The following BEGAIN variants were observed in gnomAD, a reference collection of about 807,000 sequenced individuals.
The protein encoded by BEGAIN is brain enriched guanylate kinase associated.
In BEGAIN, 19 loss-of-function variants were observed where a neutral mutation model predicts 35.8. The observed-to-expected ratio is 0.53, with a 90% CI of 0.37 to 0.78. The LOEUF (loss-of-function observed/expected upper bound fraction) is 0.78. BEGAIN is among the 30% of genes least tolerant of loss of function. The pLI is 0.00. For missense variants in BEGAIN, 795 were observed against 853.6 expected (o/e 0.93, Z 0.85); for synonymous variants, 462 against 388.6 (o/e 1.19, Z -2.22).
Position 100,584,885 on chromosome 14 carries a change from C to A in BEGAIN, c.42+2364G>T, listed in dbSNP as rs140430443. Among the ~76,000 whole-genome samples the A allele has an allele frequency of 9.5e-3, 1,438 of 152,166 alleles. 14 individuals are homozygous for A. The highest frequency in any genetic ancestry group is 0.033 in the South Asian group (158 of 4,822). Reference sequence around the variant, plus strand: ...CATGCGGGGTGATTCTAGACCAACACGGCGAGTCCTAGGGTCACCCACCCA... The same window carrying A: ...CATGCGGGGTGATTCTAGACCAACAAGGCGAGTCCTAGGGTCACCCACCCA... On this transcript the variant is annotated intron_variant, in intron 1 of 6. Transcript: ENST00000554140.
In BEGAIN at chr14:100,586,562, C is replaced by T. The variant is rs1345098038; in HGVS notation, c.42+687G>A. 6.6e-6 allele frequency among the ~76,000 whole-genome samples: 1 copy of T among 152,146 alleles called. No homozygotes were observed. Among genetic ancestry groups the T allele is most frequent in the Non-Finnish European group, 1.5e-5 (1 of 68,022 alleles). ...CTAAACCAAGCAGGAAGCGGAAACG[C>T]TGGGGCAGAAATTCCCATCCAACGT... On this transcript the variant is annotated intron_variant, in intron 1 of 6. Coordinates refer to ENST00000554140, the MANE Select transcript of BEGAIN (RefSeq NM_001385089.1). This position sits in a 1 kb window ranked among gnomAD's most constrained non-coding sequence, Gnocchi z 4.9.
intron 1 of BEGAIN, among the ~76,000 whole-genome samples, chr14:100,575,868 G>T (rs2035190612): frequency 6.6e-6 from 1 of 152,046 alleles, no homozygotes; most frequent in Non-Finnish European, 1.5e-5. Flanking sequence ...TGTGCAAGAA[G>T]CCCTGGGATG....
chr14:100,579,747 A>G (rs74972406), intron 1 of BEGAIN, among the ~76,000 whole-genome samples: 2,539 of 152,274 alleles, frequency 0.017, 71 homozygotes, highest in African/African-American at 0.058. Flanking sequence ...TGGCCTCACC[A>G]TGGCCTCAGC....
chr14:100,568,392 G>A lies in BEGAIN; in HGVS notation c.43-453C>T, dbSNP rs896264988. The A allele has an allele frequency of 4.9e-6, 6 of 1,234,270 alleles. No individual in the cohort carries two copies. In the East Asian group the frequency reaches 1.9e-4, roughly 39 times the overall value. 76.5% of individuals were successfully genotyped at this position (1,234,270 alleles called of 1,614,324 possible). A position where few individuals can be genotyped will look rare whatever the true frequency, so the allele number is the denominator to read the frequency against. ...CCCGGAATCGCAGAACCTCCGAGTC[G>A]GAGAATGTTGGGGAATTCGGGGCCG... On this transcript the variant is annotated intron_variant, in intron 1 of 6. Transcript: ENST00000554140. This position sits in a 1 kb window ranked among gnomAD's most constrained non-coding sequence, Gnocchi z 7.5.
chr14:100,569,387 GC>G (rs1236117473), intron 1 of BEGAIN: 1 of 152,482 alleles, frequency 6.6e-6, no homozygotes, highest in African/African-American at 2.4e-5. Flanking sequence ...TTTGCCGCCG[GC>G]CAGCGCGACC....
At chr14:100,555,040 G>A (rs1869465388) in intron 2 of BEGAIN, among the ~76,000 whole-genome samples, 2 of 152,246 alleles carry the variant, frequency 1.3e-5, no homozygotes, top group Non-Finnish European at 2.9e-5. Context: ...AGCCCTGGGA[G>A]AAGGTCTTTG....
intron 2 of BEGAIN, among the ~76,000 whole-genome samples, chr14:100,562,220 A>T (rs1298554684): frequency 1.3e-5 from 2 of 152,060 alleles, no homozygotes; most frequent in East Asian, 3.9e-4. Flanking sequence ...TTCAACAGCC[A>T]TCCTGAAGGT....
intron 1 of BEGAIN, among the ~76,000 whole-genome samples, chr14:100,575,815 A>T (rs994505971): frequency 3.3e-5 from 5 of 152,000 alleles, no homozygotes; most frequent in Non-Finnish European, 7.4e-5. Flanking sequence ...CGCCCCCTGA[A>T]CACACTGTTG....
intron 1 of BEGAIN, among the ~76,000 whole-genome samples, chr14:100,571,245 C>T (rs2035072794): frequency 6.6e-6 from 1 of 152,222 alleles, no homozygotes; most frequent in African/African-American, 2.4e-5. Flanking sequence ...TCACAGGAGC[C>T]CTGCCTGTTG....
At chr14:100,545,694 T>G (rs989643079) in intron 3 of BEGAIN, among the ~76,000 whole-genome samples, 23 of 152,100 alleles carry the variant, frequency 1.5e-4, no homozygotes, top group Non-Finnish European at 3.1e-4. Context: ...TTTAATTACT[T>G]AAAGCAGTAA....
In BEGAIN at chr14:100,586,560, C is replaced by G. The variant is rs562323735; in HGVS notation, c.42+689G>C. On this transcript the variant is annotated intron_variant, in intron 1 of 6. Coordinates refer to ENST00000554140, the MANE Select transcript of BEGAIN (RefSeq NM_001385089.1). The surrounding 1 kb of genome is among the most constrained non-coding windows in gnomAD (Gnocchi z 4.9). Reference sequence around the variant, plus strand: ...CTCTAAACCAAGCAGGAAGCGGAAACGCTGGGGCAGAAATTCCCATCCAAC... The same window carrying G: ...CTCTAAACCAAGCAGGAAGCGGAAAGGCTGGGGCAGAAATTCCCATCCAAC... Among the ~76,000 whole-genome samples, 3 of 152,260 alleles carry G rather than the reference C, an allele frequency of 2.0e-5. No homozygotes were observed. Among genetic ancestry groups the G allele is most frequent in the Non-Finnish European group, 4.4e-5 (3 of 68,012 alleles).
Position 100,546,592 on chromosome 14 carries a change from C to T in BEGAIN, c.142G>A (p.Glu48Lys). Residue 48 changes from glutamate (E) to lysine (K), a missense_variant, in exon 3 of 7, where the codon GAG becomes AAG. Glu to Lys is a moderately conservative substitution (Grantham distance 56). Around this residue, in one of 3 missense-constraint regions of BEGAIN, gnomAD observed 58 missense variants for 62.7 expected, o/e 0.92. Transcript: ENST00000554140. ...TGGCGCGTGGAGTCGAACTCGGTCTCGAGCTTCTCGAGCTTGTGTGTGGTG... is the reference window on the plus strand; with the variant it reads ...TGGCGCGTGGAGTCGAACTCGGTCTTGAGCTTCTCGAGCTTGTGTGTGGTG... ...SYTTHKLEKL[E>K]TEFDSTRHYL... 1 of 1,592,798 alleles carries T rather than the reference C, an allele frequency of 6.3e-7. No homozygotes were observed.
rs1329669302 is a variant in BEGAIN, at chr14:100,538,025, G to A, written c.1783C>T (p.Leu595=). Residue 595 remains leucine, a synonymous_variant, in exon 7 of 7, where the codon CTG becomes TTG. Coordinates refer to ENST00000554140, the MANE Select transcript of BEGAIN (RefSeq NM_001385089.1). The part of the protein sequence containing the change: ...QAFPRTGGSG[L]SRKDSLTKAQ... ...TTGGTGAGGCTGTCCTTGCGGCTCA[G>A]CCCCGAGCCACCAGTCCGCGGAAAG... 1.2e-6 allele frequency: 2 copies of A among 1,608,140 alleles called. No individual in the cohort carries two copies. Among genetic ancestry groups the A allele is most frequent in the Non-Finnish European group, 1.7e-6 (2 of 1,178,440 alleles).
chr14:100,568,575 C>G lies in BEGAIN; in HGVS notation c.43-636G>C. ...GATTAACCCGTGAGCGCCCGGCTCG[C>G]CGGCGGGGCTCCCTGCCTTGCTTGC... On this transcript the variant is annotated intron_variant, in intron 1 of 6. Coordinates refer to ENST00000554140, the MANE Select transcript of BEGAIN (RefSeq NM_001385089.1). The surrounding 1 kb of genome is among the most constrained non-coding windows in gnomAD (Gnocchi z 7.5). 8.1e-7 allele frequency: 1 copy of G among 1,230,614 alleles called. No homozygotes were observed. The highest frequency in any genetic ancestry group is 1.3e-5 in the South Asian group (1 of 78,126). The allele number at this position is 1,230,614 out of a possible 1,614,324, so 76.2% of individuals were successfully genotyped here. A position where few individuals can be genotyped will look rare whatever the true frequency, so the allele number is the denominator to read the frequency against.
intron 1 of BEGAIN, among the ~76,000 whole-genome samples, chr14:100,579,721 T>A (rs2035276897): frequency 6.6e-6 from 1 of 152,194 alleles, no homozygotes; most frequent in African/African-American, 2.4e-5. Flanking sequence ...TGACTGAGTC[T>A]GCAAAACTCA....
chr14:100,580,071 G>A (rs908413039), intron 1 of BEGAIN, among the ~76,000 whole-genome samples: 1 of 152,202 alleles, frequency 6.6e-6, no homozygotes, highest in African/African-American at 2.4e-5. Context: ...TTGGGAGGCC[G>A]AGGCAGGCGG....
chr14:100,552,946 G>A (rs570578128), intron 2 of BEGAIN, among the ~76,000 whole-genome samples: 2 of 152,320 alleles, frequency 1.3e-5, no homozygotes, highest in South Asian at 2.1e-4. Flanking sequence ...GGACATGGGT[G>A]TAGTCACGTG....
chr14:100,551,004 A>G (rs2033139247), intron 2 of BEGAIN, among the ~76,000 whole-genome samples: 2 of 152,114 alleles, frequency 1.3e-5, no homozygotes, highest in African/African-American at 2.4e-5. Flanking sequence ...CTAGCTCTGC[A>G]TCTGTCGGGT....
intron 1 of BEGAIN, among the ~76,000 whole-genome samples, chr14:100,574,648 C>T (rs1272165168): frequency 2.0e-5 from 3 of 152,018 alleles, no homozygotes; most frequent in Non-Finnish European, 2.9e-5. Flanking sequence ...CACATTCCCA[C>T]GTGGCAACAG....
Sources: gnomAD v4.1 joint callset for allele counts (sites outside exome capture counted in the v4.1 genomes callset) on GRCh38, gnomAD v4.1.1 for gene constraint, gnomAD v4.1.1 regional missense constraint, Gnocchi (gnomAD v3.1) non-coding constraint, MANE v1.5 for transcripts, NCBI Gene and HGNC (gene_info 2026-07-23, HGNC 2026-07-21) for gene names.